The following GRIK2 variants were observed in gnomAD, a reference collection of about 807,000 sequenced individuals.
The protein encoded by GRIK2 is glutamate receptor ionotropic, kainate 2.
GRIK2 carries 32 observed loss-of-function variants against 100.3 expected under a neutral mutation model. The ratio of observed to expected loss-of-function variants is 0.32; its 90% confidence interval spans 0.24 to 0.43. The LOEUF (loss-of-function observed/expected upper bound fraction) is 0.43, where lower values mean the gene tolerates loss of function less well. GRIK2 is among the 20% of genes least tolerant of loss of function. The probability of loss-of-function intolerance (pLI) is 1.00; values close to 1 mark genes in which losing one functional copy is unlikely to be tolerated. For missense variants in GRIK2, 843 were observed against 1,114.9 expected (o/e 0.76, Z 3.47); for synonymous variants, 417 against 389.4 (o/e 1.07, Z -0.83).
intron 14 of GRIK2, among the ~76,000 whole-genome samples, chr6:101,957,548 T>C (rs1472057356): frequency 1.3e-5 from 2 of 151,970 alleles, no homozygotes; most frequent in Non-Finnish European, 2.9e-5. Context: ...TTTGTCTGTT[T>C]TTGTTTTAGT....
rs2282299 is a variant in GRIK2 at position 101,719,422 on chromosome 6, T to A, written c.951+33069T>A. Among the ~76,000 whole-genome samples, 2,957 of 151,986 alleles carry A rather than the reference T, an allele frequency of 0.019. 259 individuals are homozygous for A. In the East Asian group the frequency reaches 0.29, roughly 15 times the overall value. ...AGTGGTAATATTTGATTTTATGTCA[T>A]TTACTTATGTCTCTGTATGTCTTAC... On this transcript the variant is annotated intron_variant, in intron 7 of 16. Transcript: ENST00000369134.
chr6:101,730,827 A>G (rs2128370956), intron 7 of GRIK2, among the ~76,000 whole-genome samples: 1 of 152,030 alleles, frequency 6.6e-6, no homozygotes, highest in Non-Finnish European at 1.5e-5. Flanking sequence ...TTTAAAAATG[A>G]GAGGATCAAC....
chr6:101,997,820 C>A (rs1324635544), intron 14 of GRIK2, among the ~76,000 whole-genome samples: 1 of 151,306 alleles, frequency 6.6e-6, no homozygotes, highest in Non-Finnish European at 1.5e-5. Context: ...TTGACTAATT[C>A]CTCTTTTTTC....
At chr6:101,463,030 C>G (rs2128252949) in intron 2 of GRIK2, among the ~76,000 whole-genome samples, 1 of 152,166 alleles carries the variant, frequency 6.6e-6, no homozygotes, top group Admixed American at 6.5e-5. Flanking sequence ...ATTAAAACAC[C>G]ATAAATCAAT....
intron 7 of GRIK2, among the ~76,000 whole-genome samples, chr6:101,756,416 T>C (rs1777142233): frequency 6.6e-6 from 1 of 152,254 alleles, no homozygotes; most frequent in Admixed American, 6.5e-5. Flanking sequence ...ACATTTATAA[T>C]CTACATTTAT....
chr6:101,921,697 T>C (rs1313385299), intron 12 of GRIK2, among the ~76,000 whole-genome samples: 1 of 151,954 alleles, frequency 6.6e-6, no homozygotes, highest in East Asian at 1.9e-4. Context: ...AGTGTGTGTG[T>C]GTTGGGAGAT....
chr6:102,022,352 T>C (rs1769473364), intron 14 of GRIK2, among the ~76,000 whole-genome samples: 1 of 151,680 alleles, frequency 6.6e-6, no homozygotes, highest in Non-Finnish European at 1.5e-5. Context: ...ATTGGCTAAA[T>C]ACAGACATAC....
intron 14 of GRIK2, among the ~76,000 whole-genome samples, chr6:102,008,658 C>T (rs1473402714): frequency 6.6e-6 from 1 of 151,928 alleles, no homozygotes; most frequent in Non-Finnish European, 1.5e-5. Flanking sequence ...TTGTCTTTTC[C>T]AACTGTAAAA....
intron 2 of GRIK2, among the ~76,000 whole-genome samples, chr6:101,412,112 A>T (rs1277456514): frequency 6.6e-6 from 1 of 151,830 alleles, no homozygotes; most frequent in Non-Finnish European, 1.5e-5. Flanking sequence ...ATACCATGGC[A>T]CCCCCATTCC....
At chr6:101,500,613 C>G (rs1031854713) in intron 2 of GRIK2, among the ~76,000 whole-genome samples, 1 of 151,928 alleles carries the variant, frequency 6.6e-6, no homozygotes. Flanking sequence ...GAAGAAAAAG[C>G]GTGAACTTGT....
chr6:101,538,771 T>G (rs977715210), intron 2 of GRIK2, among the ~76,000 whole-genome samples: 1 of 151,724 alleles, frequency 6.6e-6, no homozygotes, highest in Non-Finnish European at 1.5e-5. Context: ...GTGTTAGAAA[T>G]GTCTGTAGAA....
At chr6:101,615,185 C>G (rs1779838244) in intron 2 of GRIK2, among the ~76,000 whole-genome samples, 1 of 151,600 alleles carries the variant, frequency 6.6e-6, no homozygotes. Flanking sequence ...GTGAAGAGAA[C>G]TGTTAACTTT....
chr6:101,622,211 G>C, intron 3 of GRIK2, 95 bp downstream of exon 3: 1 of 680,536 alleles, frequency 1.5e-6, no homozygotes, highest in Non-Finnish European at 2.5e-6. Flanking sequence ...CAGTTAATAA[G>C]TTGTTAGGAA....
intron 15 of GRIK2, among the ~76,000 whole-genome samples, chr6:102,053,525 T>G (rs1771312042): frequency 6.6e-6 from 1 of 152,200 alleles, no homozygotes; most frequent in Non-Finnish European, 1.5e-5. Flanking sequence ...GAGCCTATGA[T>G]TTGAAAAATG....
In GRIK2 at chr6:101,676,657, A is replaced by G. The variant is rs1770864962; in HGVS notation, c.576A>G (p.Pro192=). Residue 192 remains proline (P), a synonymous_variant, in exon 5 of 17, where the codon CCA becomes CCG. Coordinates refer to ENST00000369134, the MANE Select transcript of GRIK2 (RefSeq NM_021956.5). ...LIRLQELIKA[P]SRYNLRLKIR... ...GTTTGCAAGAGCTCATCAAAGCTCC[A>G]TCAAGGTATAATCTTCGACTCAAAA... is the stretch of plus-strand genomic sequence containing the variant. 6.3e-7 allele frequency: 1 copy of G among 1,597,130 alleles called. No individual in the cohort carries two copies.
At chr6:101,759,137 C>G (rs183597494) in intron 7 of GRIK2, among the ~76,000 whole-genome samples, 230 of 152,262 alleles carry the variant, frequency 1.5e-3, no homozygotes, top group Non-Finnish European at 2.5e-3. Context: ...GGCATATTCT[C>G]TGCATCTGTA....
At chr6:101,988,122 TGTGTGTGTGTGCGCGCGCGCGCGC>T (rs1261717118) in intron 14 of GRIK2, among the ~76,000 whole-genome samples, 1 of 38,730 alleles carries the variant, frequency 2.6e-5, no homozygotes, top group Non-Finnish European at 5.2e-5. Context: ...TGTGTGTGTG[TGTGTGTGTGTGCGCGCGCGCGCGC>T]GCGCGCGCGT....
At chr6:101,905,215 T>C (rs1027048095) in intron 12 of GRIK2, among the ~76,000 whole-genome samples, 2 of 151,586 alleles carry the variant, frequency 1.3e-5, no homozygotes, top group African/African-American at 4.8e-5. Context: ...TTGCTCATCT[T>C]GTGTAGGTTG....
Position 101,830,542 on chromosome 6 carries a change from T to C in GRIK2, c.1317+12059T>C, listed in dbSNP as rs183788701. ...AAAAGGAAATATCCCCATTAAAAAG[T>C]GGGCAAAGAATATGAACTGGCACTT... On this transcript the variant is annotated intron_variant, in intron 10 of 16. Transcript: ENST00000369134. 3.6e-4 allele frequency among the ~76,000 whole-genome samples: 55 copies of C among 152,032 alleles called. No homozygotes were observed. The East Asian group carries it at 0.01, about 28-fold the overall frequency.
Sources: gnomAD v4.1 joint callset for allele counts (sites outside exome capture counted in the v4.1 genomes callset) on GRCh38, gnomAD v4.1.1 for gene constraint, MANE v1.5 for transcripts, NCBI Gene and HGNC (gene_info 2026-07-23, HGNC 2026-07-21) for gene names.